Variants in PRKRIP1 observed in about 807,000 individuals in gnomAD.
PRKRIP1 encodes the protein PRKR interacting protein 1.
Under a neutral mutation model 29.3 loss-of-function variants are expected in PRKRIP1, and 29 were observed. The ratio of observed to expected loss-of-function variants is 0.99; its 90% confidence interval spans 0.74 to 1.35. PRKRIP1 has a LOEUF of 1.35. Among genes scored for constraint, PRKRIP1 ranks in the 40% most tolerant of loss-of-function variants. PRKRIP1 has a pLI of 0.00. For missense variants in PRKRIP1, 247 were observed against 236.8 expected (o/e 1.04, Z -0.28); for synonymous variants, 90 against 85.1 (o/e 1.06, Z -0.32).
chr7:102,416,249 A>G (rs1161652796), intron 5 of PRKRIP1, among the ~76,000 whole-genome samples: 1 of 152,234 alleles, frequency 6.6e-6, no homozygotes, highest in African/African-American at 2.4e-5. Context: ...TTAGATTCAC[A>G]GAAAGATTGC....
intron 3 of PRKRIP1, among the ~76,000 whole-genome samples, chr7:102,401,558 A>T (rs1228491934): frequency 6.6e-6 from 1 of 152,062 alleles, no homozygotes; most frequent in Non-Finnish European, 1.5e-5. Flanking sequence ...ACATGGTGAG[A>T]CCCCATCTCT....
chr7:102,404,414 T>G (rs1554571574), intron 3 of PRKRIP1, 184 bp from the exon 4 acceptor site: 1 of 618,188 alleles, frequency 1.6e-6, no homozygotes, highest in African/African-American at 1.8e-5. Context: ...CGGAGACCTA[T>G]GTATTGATTA....
At chr7:102,408,304 C>T (rs782032881) in intron 5 of PRKRIP1, among the ~76,000 whole-genome samples, 4 of 152,164 alleles carry the variant, frequency 2.6e-5, no homozygotes, top group Admixed American at 6.6e-5. Context: ...CACTAGCTGC[C>T]GTCAGGCTAG....
At chr7:102,416,734 C>T (rs1796559494) in intron 5 of PRKRIP1, among the ~76,000 whole-genome samples, 1 of 148,912 alleles carries the variant, frequency 6.7e-6, no homozygotes, top group South Asian at 2.1e-4. Flanking sequence ...GGCTGGAGTA[C>T]AGTGGCACCA....
intron 4 of PRKRIP1, among the ~76,000 whole-genome samples, chr7:102,406,063 C>T (rs1020425972): frequency 3.3e-5 from 5 of 152,134 alleles, no homozygotes; most frequent in Admixed American, 3.3e-4. Context: ...TTTGTTCAAC[C>T]TTTGAAGCAT....
chr7:102,398,343 G>A (rs1554570719), intron 2 of PRKRIP1, among the ~76,000 whole-genome samples: 3 of 151,978 alleles, frequency 2.0e-5, no homozygotes, highest in African/African-American at 7.3e-5. Flanking sequence ...GTAGTGCAGT[G>A]ACACCATCTC....
intron 5 of PRKRIP1, among the ~76,000 whole-genome samples, chr7:102,412,158 C>G (rs372846309): frequency 6.6e-6 from 1 of 152,130 alleles, no homozygotes; most frequent in Non-Finnish European, 1.5e-5. Flanking sequence ...TGAGCCACCA[C>G]GCCCAGCCAG....
intron 5 of PRKRIP1, among the ~76,000 whole-genome samples, chr7:102,409,697 G>A (rs1261283568): frequency 6.6e-6 from 1 of 151,920 alleles, no homozygotes; most frequent in Non-Finnish European, 1.5e-5. Context: ...GGTGGTGCAC[G>A]CCTGTCGTCC....
chr7:102,420,359 C>T (rs900787310), intron 5 of PRKRIP1, among the ~76,000 whole-genome samples: 1 of 152,220 alleles, frequency 6.6e-6, no homozygotes. Flanking sequence ...GATAGTTTCT[C>T]TTACCTCACA....
rs1013651102 is a variant in PRKRIP1, at chr7:102,422,185, T to C, written c.458-2829T>C. ...TTATTATTATTATTATTATGATTAT[T>C]ATTATCAGAGACGGATTCTAGCTCT... On this transcript the variant is annotated intron_variant, in intron 5 of 5. Transcript: ENST00000397912. Among the ~76,000 whole-genome samples the C allele has an allele frequency of 4.6e-4, 67 of 145,368 alleles. 1 individual carries two copies. The highest frequency in any genetic ancestry group is 1.6e-3 in the African/African-American group (63 of 39,692).
intron 5 of PRKRIP1, chr7:102,423,514 G>T: frequency 4.6e-6 from 1 of 218,980 alleles, no homozygotes; most frequent in South Asian, 5.5e-5. Context: ...ATCTCGAGCA[G>T]CAAGTTCCTC....
intron 2 of PRKRIP1, among the ~76,000 whole-genome samples, chr7:102,398,483 C>CT (rs1795977825): frequency 6.6e-6 from 1 of 152,044 alleles, no homozygotes; most frequent in African/African-American, 2.4e-5. Flanking sequence ...CTGGGTTTCA[C>CT]TATGTTGGCC....
chr7:102,423,956 C>T (rs1796771607), intron 5 of PRKRIP1, among the ~76,000 whole-genome samples: 1 of 152,206 alleles, frequency 6.6e-6, no homozygotes, highest in Non-Finnish European at 1.5e-5. Context: ...GCCATTGCAC[C>T]CGGCTTCCCC....
Position 102,396,469 on chromosome 7 carries a change from A to T in PRKRIP1, c.58A>T (p.Thr20Ser). The T allele has an allele frequency of 6.2e-7, 1 of 1,609,528 alleles. No individual in the cohort carries two copies. The highest frequency in any genetic ancestry group is 8.5e-7 in the Non-Finnish European group (1 of 1,179,044). ...RPPRPKKEPQTLVIPKNAAEE... is the reference protein window; with the variant it reads ...RPPRPKKEPQSLVIPKNAAEE... The stretch of plus-strand genomic sequence containing the variant: ...ACCGAGGCCCAAGAAAGAGCCGCAG[A>T]CGCTCGTCATCCCCAAGAATGCGGC... The change falls in exon 1 of 6, where the codon ACG becomes TCG. Residue 20 changes from threonine (T) to serine (S), a missense_variant. By Grantham distance (58) the Thr-to-Ser change is moderately conservative. This residue lies in a region of PRKRIP1 where 105 missense variants were observed against 80.2 expected (regional missense o/e 1.31). Coordinates refer to ENST00000397912, the MANE Select transcript of PRKRIP1 (RefSeq NM_024653.4).
chr7:102,399,414 G>T, intron 2 of PRKRIP1, 134 bp from the exon 3 acceptor site: 1 of 693,640 alleles, frequency 1.4e-6, no homozygotes. Flanking sequence ...GCCAGTTCTG[G>T]ATACAGTGGG....
intron 5 of PRKRIP1, among the ~76,000 whole-genome samples, chr7:102,409,632 G>A (rs1554572296): frequency 1.3e-5 from 2 of 152,000 alleles, no homozygotes; most frequent in East Asian, 1.9e-4. Context: ...AGACTAGTCT[G>A]GGCAACATAG....
Position 102,400,556 on chromosome 7 carries a change from G to A in PRKRIP1, c.306+908G>A, listed in dbSNP as rs570706259. 4.3e-4 allele frequency among the ~76,000 whole-genome samples: 66 copies of A among 152,208 alleles called. 1 individual carries two copies. The South Asian group carries it at 0.013, about 29-fold the overall frequency. On this transcript the variant is annotated intron_variant, in intron 3 of 5. Coordinates refer to ENST00000397912, the MANE Select transcript of PRKRIP1 (RefSeq NM_024653.4). The stretch of plus-strand genomic sequence containing the variant: ...ATCTGGTTGGGGTCACGGTTGACTG[G>A]GAAAAGACGTATGAGGGGACTTTCT...
intron 5 of PRKRIP1, among the ~76,000 whole-genome samples, chr7:102,417,651 G>C (rs1434661224): frequency 6.9e-6 from 1 of 145,228 alleles, no homozygotes; most frequent in Non-Finnish European, 1.5e-5. Context: ...TTGAGACAGG[G>C]TCTCTTACCT....
At chr7:102,423,481 G>T (rs1477630441) in intron 5 of PRKRIP1, 3 of 235,948 alleles carry the variant, frequency 1.3e-5, no homozygotes, top group South Asian at 4.4e-5. Flanking sequence ...TTGAGCCTGG[G>T]TCCCTGTCTT....
Sources: gnomAD v4.1 joint callset for allele counts (sites outside exome capture counted in the v4.1 genomes callset) on GRCh38, gnomAD v4.1.1 for gene constraint, gnomAD v4.1.1 regional missense constraint, MANE v1.5 for transcripts, NCBI Gene and HGNC (gene_info 2026-07-23, HGNC 2026-07-21) for gene names.